The following MAN1A1 variants were observed in gnomAD, a reference collection of about 807,000 sequenced individuals.
The protein encoded by MAN1A1 is mannosyl-oligosaccharide 1,2-alpha-mannosidase IA.
Under a neutral mutation model 70.8 loss-of-function variants are expected in MAN1A1, and 29 were observed. That is an observed-to-expected ratio of 0.41 (90% CI 0.31 to 0.56). MAN1A1 has a LOEUF of 0.56. MAN1A1 is among the 20% of genes least tolerant of loss of function. The pLI is 0.29. For missense variants in MAN1A1, 747 were observed against 841.3 expected (o/e 0.89, Z 1.39); for synonymous variants, 349 against 330.1 (o/e 1.06, Z -0.62).
chr6:119,317,994 A>G (rs774665094), intron 2 of MAN1A1, among the ~76,000 whole-genome samples: 3 of 152,202 alleles, frequency 2.0e-5, no homozygotes, highest in Admixed American at 1.3e-4. Flanking sequence ...AGATTCTGAA[A>G]GTAATCCTTT....
intron 6 of MAN1A1, among the ~76,000 whole-genome samples, chr6:119,226,799 T>G (rs1294420207): frequency 1.3e-5 from 2 of 151,948 alleles, no homozygotes; most frequent in Admixed American, 1.3e-4. Flanking sequence ...GCTTCCTGAG[T>G]AGCTGGGATT....
intron 6 of MAN1A1, among the ~76,000 whole-genome samples, chr6:119,236,475 A>G (rs1774847063): frequency 6.6e-6 from 1 of 152,132 alleles, no homozygotes. Flanking sequence ...AGGAAGGCTG[A>G]GGCAGGTGGA....
chr6:119,233,246 A>G (rs1219436266), intron 6 of MAN1A1, among the ~76,000 whole-genome samples: 1 of 152,220 alleles, frequency 6.6e-6, no homozygotes, highest in East Asian at 1.9e-4. Flanking sequence ...GCGATTTCAC[A>G]TGAAAACCAC....
At chr6:119,333,613 C>T (rs980226946) in intron 2 of MAN1A1, among the ~76,000 whole-genome samples, 1 of 152,172 alleles carries the variant, frequency 6.6e-6, no homozygotes, top group Non-Finnish European at 1.5e-5. Context: ...AGAACTAACA[C>T]CTGATTACCT....
At chr6:119,244,562 C>T (rs188325548) in intron 6 of MAN1A1, among the ~76,000 whole-genome samples, 93 of 151,724 alleles carry the variant, frequency 6.1e-4, no homozygotes, top group African/African-American at 2.1e-3. Context: ...TTTTCTGAAC[C>T]GCTTTTGGGA....
intron 10 of MAN1A1, among the ~76,000 whole-genome samples, chr6:119,188,955 G>A (rs1773366319): frequency 6.6e-6 from 1 of 152,188 alleles, no homozygotes; most frequent in Non-Finnish European, 1.5e-5. Context: ...ATCTGCAGTT[G>A]TGGAACCCAG....
At chr6:119,319,443 A>G (rs1011436541) in intron 2 of MAN1A1, among the ~76,000 whole-genome samples, 1 of 151,506 alleles carries the variant, frequency 6.6e-6, no homozygotes, top group African/African-American at 2.4e-5. Context: ...GTGGCCAGCA[A>G]TAAATATATG....
intron 2 of MAN1A1, among the ~76,000 whole-genome samples, chr6:119,341,073 C>T (rs1773583187): frequency 6.6e-6 from 1 of 152,114 alleles, no homozygotes; most frequent in Admixed American, 6.6e-5. Context: ...CTCTAAAGTA[C>T]CTAAAGCAAC....
At chr6:119,184,839 C>T (rs1773243925) in intron 11 of MAN1A1, among the ~76,000 whole-genome samples, 1 of 151,926 alleles carries the variant, frequency 6.6e-6, no homozygotes, top group African/African-American at 2.4e-5. Context: ...AAAGCTCATG[C>T]TGTAAGTTAT....
At chr6:119,218,524 A>C (rs1220719224) in intron 6 of MAN1A1, among the ~76,000 whole-genome samples, 2 of 152,042 alleles carry the variant, frequency 1.3e-5, no homozygotes, top group African/African-American at 4.8e-5. Flanking sequence ...ATCCTCAAAT[A>C]AGGTCTTTTC....
chr6:119,343,486 C>T (rs907283370), intron 2 of MAN1A1, among the ~76,000 whole-genome samples: 1 of 151,996 alleles, frequency 6.6e-6, no homozygotes, highest in Non-Finnish European at 1.5e-5. Flanking sequence ...GTTTTAAAAT[C>T]TGAGATTTAA....
intron 6 of MAN1A1, among the ~76,000 whole-genome samples, chr6:119,241,784 T>C (rs1472087412): frequency 1.3e-5 from 2 of 152,146 alleles, no homozygotes; most frequent in East Asian, 1.9e-4. Context: ...ACAATGATTC[T>C]TGACCCTAGC....
rs199506863 is a variant in MAN1A1 at position 119,317,892 on chromosome 6, AAC to A, written c.604-10902_604-10901del. Reference sequence around the variant, plus strand: ...GAAAATTTGTTTTTCCTAAAAAAAAAACAAAAAAAACCTTCTGAAGTAACTGT... The same window carrying A: ...GAAAATTTGTTTTTCCTAAAAAAAAAAAAAAAAACCTTCTGAAGTAACTGT... On this transcript the variant is annotated intron_variant, in intron 2 of 12. Coordinates refer to ENST00000368468, the MANE Select transcript of MAN1A1 (RefSeq NM_005907.4). Among the ~76,000 whole-genome samples the A allele has an allele frequency of 5.9e-5, 9 of 152,194 alleles. No individual in the cohort carries two copies. The East Asian group carries it at 1.6e-3, about 26-fold the overall frequency.
At chr6:119,217,809 T>C (rs1487859357) in intron 6 of MAN1A1, among the ~76,000 whole-genome samples, 3 of 152,190 alleles carry the variant, frequency 2.0e-5, no homozygotes, top group African/African-American at 4.8e-5. Context: ...ACCAATGTTA[T>C]CCATCCACAT....
chr6:119,280,974 C>CGTTT (rs1776211832), intron 5 of MAN1A1, among the ~76,000 whole-genome samples: 1 of 152,196 alleles, frequency 6.6e-6, no homozygotes, highest in Admixed American at 6.5e-5. Flanking sequence ...AGGCCGCTGC[C>CGTTT]AAACAGCAAC....
chr6:119,280,405 G>T (rs575089893), intron 5 of MAN1A1, among the ~76,000 whole-genome samples: 1 of 152,326 alleles, frequency 6.6e-6, no homozygotes, highest in African/African-American at 2.4e-5. Flanking sequence ...TAGGGTTGTT[G>T]TGAAATTAAT....
intron 5 of MAN1A1, among the ~76,000 whole-genome samples, chr6:119,261,536 AT>A (rs1254463468): frequency 1.3e-5 from 2 of 152,206 alleles, no homozygotes; most frequent in Non-Finnish European, 1.5e-5. Context: ...CACTGGAAAA[AT>A]GTGATACATA....
At chr6:119,312,106 T>C (rs1006729523) in intron 2 of MAN1A1, among the ~76,000 whole-genome samples, 4 of 152,120 alleles carry the variant, frequency 2.6e-5, no homozygotes, top group Non-Finnish European at 4.4e-5. Flanking sequence ...GTGATACTCA[T>C]GTCCCTGCTG....
intron 8 of MAN1A1, among the ~76,000 whole-genome samples, chr6:119,198,952 A>G (rs62418809): frequency 0.012 from 1,861 of 152,356 alleles, 13 homozygotes; most frequent in Admixed American, 0.03. Flanking sequence ...TAGAAATTAC[A>G]TCAATGAATT....
Sources: gnomAD v4.1 joint callset for allele counts (sites outside exome capture counted in the v4.1 genomes callset) on GRCh38, gnomAD v4.1.1 for gene constraint, MANE v1.5 for transcripts, NCBI Gene and HGNC (gene_info 2026-07-23, HGNC 2026-07-21) for gene names.